RALYL: variants seen among roughly 807,000 people sequenced by gnomAD.
RALYL encodes RALY RNA binding protein like.
Under a neutral mutation model 35.1 loss-of-function variants are expected in RALYL, and 29 were observed. That is an observed-to-expected ratio of 0.83 (90% CI 0.61 to 1.13). The LOEUF (loss-of-function observed/expected upper bound fraction) is 1.13, where lower values mean the gene tolerates loss of function less well. Ranked by LOEUF, RALYL falls within the 50% of genes most tolerant of loss-of-function variation. The pLI, the probability that RALYL is intolerant of heterozygous loss-of-function variation, is 0.00. For synonymous variants in RALYL, 120 were observed against 127.6 expected, an observed-to-expected ratio of 0.94 and a Z score of 0.40; for missense variants, 359 against 360.4, an observed-to-expected ratio of 1.00 and a Z score of 0.03.
intron 1 of RALYL, among the ~76,000 whole-genome samples, chr8:84,215,038 T>C (rs1820452625): frequency 6.6e-6 from 1 of 151,776 alleles, no homozygotes; most frequent in Non-Finnish European, 1.5e-5. Context: ...CCCGAGTACC[T>C]GGGACTACAG....
rs183762421 is a variant in RALYL, at chr8:84,467,159, T to C, written c.-23-62140T>C. On this transcript the variant is annotated intron_variant, in intron 1 of 8. Transcript: ENST00000521268. ...CTATTTCCTTCAGTTCTGCTCTGAT[T>C]TTAGTTATTTCTTGCCTTCTGCTAG... 6.8e-3 allele frequency among the ~76,000 whole-genome samples: 1,042 copies of C among 152,228 alleles called. 12 individuals are homozygous for C. The highest frequency in any genetic ancestry group is 0.024 in the African/African-American group (976 of 41,528).
At chr8:84,496,119 T>G (rs2055985457) in intron 1 of RALYL, among the ~76,000 whole-genome samples, 1 of 152,122 alleles carries the variant, frequency 6.6e-6, no homozygotes, top group Admixed American at 6.6e-5. Flanking sequence ...TTGTTCATGG[T>G]ATCCTAGAGG....
chr8:84,605,200 T>C (rs1468683655), intron 2 of RALYL, among the ~76,000 whole-genome samples: 1 of 152,104 alleles, frequency 6.6e-6, no homozygotes, highest in African/African-American at 2.4e-5. Context: ...TTTGAGGATT[T>C]TCAATAAAAG....
chr8:84,745,014 C>G (rs1808276270), intron 2 of RALYL, among the ~76,000 whole-genome samples: 1 of 151,714 alleles, frequency 6.6e-6, no homozygotes, highest in African/African-American at 2.4e-5. Flanking sequence ...AAACACTCAC[C>G]TCCATGAACC....
At chr8:84,212,878 T>C (rs73295624) in intron 1 of RALYL, among the ~76,000 whole-genome samples, 3,937 of 152,170 alleles carry the variant, frequency 0.026, 180 homozygotes, top group African/African-American at 0.087. Context: ...TAAGAAGATT[T>C]AGATAAATAA....
intron 1 of RALYL, among the ~76,000 whole-genome samples, chr8:84,193,148 A>G (rs1159072429): frequency 6.6e-6 from 1 of 152,162 alleles, no homozygotes; most frequent in Non-Finnish European, 1.5e-5. Flanking sequence ...GATCTTGAAG[A>G]TATGGAGACA....
At position 84,719,189 on chromosome 8, in the gene RALYL, G is replaced by GTCA. The variant is rs559531348; in HGVS notation, c.257-55389_257-55387dup. 8.0e-3 allele frequency among the ~76,000 whole-genome samples: 1,222 copies of GTCA among 152,248 alleles called. 4 individuals carry two copies. Among genetic ancestry groups the GTCA allele is most frequent in the Non-Finnish European group, 0.012 (831 of 68,006 alleles). On this transcript the variant is annotated intron_variant, in intron 2 of 8. Coordinates refer to ENST00000521268, the MANE Select transcript of RALYL (RefSeq NM_173848.7). ...TATAACCCCCAAAGACAGAGATCAG[G>GTCA]TCACTATTTTCATTCTATATCCCCA... is the stretch of plus-strand genomic sequence containing the variant.
chr8:84,901,396 A>G (rs1056379180), intron 8 of RALYL, among the ~76,000 whole-genome samples: 1 of 152,124 alleles, frequency 6.6e-6, no homozygotes, highest in Non-Finnish European at 1.5e-5. Context: ...TTTCTGAACA[A>G]CTCTTAAGAG....
At chr8:84,616,647 TTAGACATGA>T (rs1179435245) in intron 2 of RALYL, among the ~76,000 whole-genome samples, 1 of 151,508 alleles carries the variant, frequency 6.6e-6, no homozygotes, top group Non-Finnish European at 1.5e-5. Flanking sequence ...TTTTGGTGTT[TTAGACATGA>T]AGTCCTTGCC....
At chr8:84,389,998 A>G (rs1860244262) in intron 1 of RALYL, among the ~76,000 whole-genome samples, 1 of 151,950 alleles carries the variant, frequency 6.6e-6, no homozygotes, top group Non-Finnish European at 1.5e-5. Context: ...GATAGCTCTT[A>G]TTATTTTGAG....
At chr8:84,411,314 G>T (rs1270301927) in intron 1 of RALYL, among the ~76,000 whole-genome samples, 3 of 151,764 alleles carry the variant, frequency 2.0e-5, no homozygotes, top group Non-Finnish European at 3.0e-5. Context: ...TTAGCTCTCA[G>T]TTGGTGTTTT....
intron 4 of RALYL, among the ~76,000 whole-genome samples, chr8:84,821,207 G>A (rs1395390573): frequency 1.3e-5 from 2 of 152,108 alleles, no homozygotes; most frequent in African/African-American, 2.4e-5. Context: ...ACAGTTCAAA[G>A]TATTGACTAT....
chr8:84,786,482 C>CA (rs1458334943), intron 3 of RALYL, among the ~76,000 whole-genome samples: 1 of 152,116 alleles, frequency 6.6e-6, no homozygotes. Flanking sequence ...ACAGCCTCGC[C>CA]AGCATCTGTT....
chr8:84,563,026 A>G (rs984448506), intron 2 of RALYL, among the ~76,000 whole-genome samples: 1 of 151,866 alleles, frequency 6.6e-6, no homozygotes, highest in African/African-American at 2.4e-5. Flanking sequence ...TCACTCTTAC[A>G]TGGGCAGTCC....
At chr8:84,706,003 G>C (rs1029774590) in intron 2 of RALYL, 7 of 1,534,840 alleles carry the variant, frequency 4.6e-6, no homozygotes, top group Admixed American at 2.0e-5. Context: ...TTACTTCTTA[G>C]AAAGTCTAAT....
At chr8:84,469,771 C>T (rs575946152) in intron 1 of RALYL, among the ~76,000 whole-genome samples, 1 of 152,192 alleles carries the variant, frequency 6.6e-6, no homozygotes, top group African/African-American at 2.4e-5. Flanking sequence ...TCTCAGACTG[C>T]TGTGCTAGCA....
In RALYL at chr8:84,218,512, G is replaced by A. The variant is rs150594256; in HGVS notation, c.-24+34088G>A. ...TATGTCCTTAAAATTACATGAAATA[G>A]GGTAATTTTTTTCACACAGATTACT... On this transcript the variant is annotated intron_variant, in intron 1 of 8. Transcript: ENST00000521268. Among the ~76,000 whole-genome samples, 1,328 of 152,136 alleles carry A rather than the reference G, an allele frequency of 8.7e-3. 23 individuals are homozygous for A. The highest frequency in any genetic ancestry group is 0.028 in the African/African-American group (1,152 of 41,514).
chr8:84,859,960 G>C (rs1392046740), intron 5 of RALYL, among the ~76,000 whole-genome samples: 2 of 152,126 alleles, frequency 1.3e-5, no homozygotes, highest in Non-Finnish European at 2.9e-5. Context: ...AAGTTGTTTA[G>C]TAAAGTACTA....
At chr8:84,791,687 G>T (rs1449136584) in intron 3 of RALYL, among the ~76,000 whole-genome samples, 5 of 152,146 alleles carry the variant, frequency 3.3e-5, no homozygotes, top group Non-Finnish European at 7.4e-5. Flanking sequence ...TTTGAAAGTA[G>T]TGCCAACAAG....
Sources: gnomAD v4.1 joint callset for allele counts (sites outside exome capture counted in the v4.1 genomes callset) on GRCh38, gnomAD v4.1.1 for gene constraint, MANE v1.5 for transcripts, NCBI Gene and HGNC (gene_info 2026-07-23, HGNC 2026-07-21) for gene names.